LMF1: variants seen among roughly 807,000 people sequenced by gnomAD.
LMF1 encodes lipase maturation factor 1.
LMF1 carries 68 observed loss-of-function variants against 60.6 expected under a neutral mutation model. That is an observed-to-expected ratio of 1.12 (90% CI 0.92 to 1.37). The LOEUF is 1.37. Ranked by LOEUF, LMF1 falls within the 40% of genes most tolerant of loss-of-function variation. LMF1 has a pLI of 0.00. For synonymous variants in LMF1, 418 were observed against 324.7 expected, an observed-to-expected ratio of 1.29 and a Z score of -3.09; for missense variants, 948 against 767.2, an observed-to-expected ratio of 1.24 and a Z score of -2.78.
intron 6 of LMF1, among the ~76,000 whole-genome samples, chr16:876,312 C>G (rs769966350): frequency 6.6e-6 from 1 of 151,672 alleles, no homozygotes; most frequent in Non-Finnish European, 1.5e-5. Context: ...GAGGCAGTAC[C>G]GTGGAGACGG....
At chr16:889,604 GA>G (rs1404713203) in intron 5 of LMF1, among the ~76,000 whole-genome samples, 1 of 152,178 alleles carries the variant, frequency 6.6e-6, no homozygotes, top group Non-Finnish European at 1.5e-5. Context: ...AACTTTCCAA[GA>G]AAGGGGCACC....
In LMF1 at chr16:871,341, C is replaced by T; in HGVS notation, c.898G>A (p.Ala300Thr). The T allele has an allele frequency of 6.2e-7, 1 of 1,611,710 alleles. No individual in the cohort carries two copies. The highest frequency in any genetic ancestry group is 8.5e-7 in the Non-Finnish European group (1 of 1,179,646). ...IHGVLQILFQ[A>T]VLIVSGNLSF... ...AGGTTCCCGCTGACGATGAGGACGG[C>T]CTGTGGAGACGCCGCAGCTGAGTCT... Residue 300 changes from alanine (A) to threonine (T), a missense_variant and splice_region_variant, in exon 7 of 11, where the codon GCC becomes ACC. By Grantham distance (58) the Ala-to-Thr change is moderately conservative (BLOSUM62 0). Coordinates refer to ENST00000262301, the MANE Select transcript of LMF1 (RefSeq NM_022773.4).
chr16:965,445 C>A (rs2072905167), intron 1 of LMF1, among the ~76,000 whole-genome samples: 1 of 152,130 alleles, frequency 6.6e-6, no homozygotes, highest in African/African-American at 2.4e-5. Flanking sequence ...AAAAAAAGAG[C>A]CTCAGAGACT....
At chr16:955,833 G>T (rs1035198139) in intron 1 of LMF1, among the ~76,000 whole-genome samples, 3 of 152,222 alleles carry the variant, frequency 2.0e-5, no homozygotes, top group Non-Finnish European at 4.4e-5. Flanking sequence ...TCTGGTCAAC[G>T]GCATCACTCC....
intron 5 of LMF1, among the ~76,000 whole-genome samples, chr16:880,139 G>T (rs2070120550): frequency 6.6e-6 from 1 of 152,314 alleles, no homozygotes; most frequent in South Asian, 2.1e-4. Flanking sequence ...TCCACAGGCG[G>T]CCCCTCAGGC....
chr16:856,039 G>A (rs896160198), intron 10 of LMF1: 2 of 441,790 alleles, frequency 4.5e-6, no homozygotes, highest in East Asian at 7.0e-5. Context: ...CTGGGTGGAG[G>A]AGGGTCCCTG....
In LMF1 at chr16:869,860, G is replaced by T. The variant is rs373860048; in HGVS notation, c.1416+23C>A. On this transcript the variant is annotated intron_variant, in intron 9 of 10. Transcript: ENST00000262301. ...GGGTGGGGTACAGGCAGGTCCATGCGCCCGCCAGGGACCGTCCCCCACCTG... is the reference window on the plus strand; with the variant it reads ...GGGTGGGGTACAGGCAGGTCCATGCTCCCGCCAGGGACCGTCCCCCACCTG... The T allele has an allele frequency of 2.5e-6, 4 of 1,602,372 alleles. No homozygotes were observed. The Admixed American group carries it at 5.1e-5, about 20-fold the overall frequency.
chr16:974,936 C>T (rs1244617969), upstream of LMF1, among the ~76,000 whole-genome samples: 1 of 152,188 alleles, frequency 6.6e-6, no homozygotes, highest in Non-Finnish European at 1.5e-5. Context: ...GGCCCAGGAC[C>T]CGTGGATGCT....
At chr16:911,168 G>A (rs760915006) in intron 3 of LMF1, 89 bp from the exon 4 acceptor site, 25 of 1,441,292 alleles carry the variant, frequency 1.7e-5, no homozygotes, top group African/African-American at 2.8e-5. Flanking sequence ...TAATGGAAAC[G>A]GTCCTTGAGA....
At chr16:915,055 A>G (rs2071242111) in intron 3 of LMF1, among the ~76,000 whole-genome samples, 2 of 152,176 alleles carry the variant, frequency 1.3e-5, no homozygotes, top group African/African-American at 4.8e-5. Flanking sequence ...GAGGGCTTGT[A>G]GGGTTTTCAC....
At chr16:913,323 A>C (rs953370194) in intron 3 of LMF1, among the ~76,000 whole-genome samples, 2 of 152,196 alleles carry the variant, frequency 1.3e-5, no homozygotes, top group Non-Finnish European at 2.9e-5. Context: ...CTTGTGGGGA[A>C]CATTCACTTC....
At chr16:943,089 C>T (rs146121873) in intron 2 of LMF1, among the ~76,000 whole-genome samples, 10 of 152,284 alleles carry the variant, frequency 6.6e-5, no homozygotes, top group East Asian at 3.9e-4. Flanking sequence ...TTCAGAGTCT[C>T]GGCCGGGCAC....
At chr16:899,831 C>G (rs1048152882) in intron 4 of LMF1, 1 of 152,292 alleles carries the variant, frequency 6.6e-6, no homozygotes, top group African/African-American at 2.4e-5. Context: ...CCTGTTGAGC[C>G]CCTGGCACCT....
At chr16:924,667 T>C (rs2071544575) in intron 3 of LMF1, among the ~76,000 whole-genome samples, 1 of 152,126 alleles carries the variant, frequency 6.6e-6, no homozygotes, top group Non-Finnish European at 1.5e-5. Flanking sequence ...GTAGCCGCCC[T>C]CCAGTTGGCT....
At chr16:926,892 G>A (rs535124318) in intron 3 of LMF1, among the ~76,000 whole-genome samples, 20 of 152,216 alleles carry the variant, frequency 1.3e-4, no homozygotes, top group Non-Finnish European at 2.4e-4. Flanking sequence ...TCCCTGGACG[G>A]CACCCCGGGC....
rs1465084398 is a variant in LMF1, at chr16:950,964, G to A, written c.503+3393C>T. On this transcript the variant is annotated intron_variant, in intron 2 of 10. Transcript: ENST00000262301. ...AATGACAGAGTCAGAGCCAACGACA[G>A]AATCAGCCAACAACAGTCAGCCAAT... Among the ~76,000 whole-genome samples the A allele has an allele frequency of 2.6e-5, 4 of 150,948 alleles. 1 individual carries two copies. The highest frequency in any genetic ancestry group is 9.8e-5 in the African/African-American group (4 of 40,942).
intron 3 of LMF1, among the ~76,000 whole-genome samples, chr16:912,850 G>A (rs567325921): frequency 1.3e-5 from 2 of 152,364 alleles, no homozygotes; most frequent in African/African-American, 2.4e-5. Flanking sequence ...ATTGTTCTCC[G>A]CCTCAGCGTG....
At chr16:892,789 C>T (rs574019094) in intron 5 of LMF1, among the ~76,000 whole-genome samples, 1 of 152,280 alleles carries the variant, frequency 6.6e-6, no homozygotes, top group South Asian at 2.1e-4. Context: ...CAGCTGCACT[C>T]GAGACCATGG....
rs761609348 is a variant in LMF1, at chr16:976,997, G to A, written c.-135+4148C>T. On this transcript the variant is annotated intron_variant, in intron 1 of 6. Coordinates refer to the LMF1 transcript ENST00000570014. Reference sequence around the variant, plus strand: ...GAAATGCTCGTCCTCCGTGGAGGTCGGGGGCATCAGGAGGACCAGGAGGAC... The same window carrying A: ...GAAATGCTCGTCCTCCGTGGAGGTCAGGGGCATCAGGAGGACCAGGAGGAC... 1.8e-5 allele frequency: 8 copies of A among 453,702 alleles called. No individual in the cohort carries two copies. In the East Asian group the frequency reaches 2.8e-4, roughly 16 times the overall value. The allele number at this position is 453,702 out of a possible 1,614,324, so 28.1% of individuals were successfully genotyped here.
Sources: gnomAD v4.1 joint callset for allele counts (sites outside exome capture counted in the v4.1 genomes callset) on GRCh38, gnomAD v4.1.1 for gene constraint, MANE v1.5 for transcripts, NCBI Gene and HGNC (gene_info 2026-07-23, HGNC 2026-07-21) for gene names.